NCOA6: variants seen among roughly 807,000 people sequenced by gnomAD.
NCOA6 encodes nuclear receptor coactivator 6, also known as NRC RAP250.
NCOA6 carries 49 observed loss-of-function variants against 171.4 expected under a neutral mutation model. The observed-to-expected ratio is 0.29, with a 90% CI of 0.23 to 0.36. NCOA6 has a LOEUF of 0.36. NCOA6 is among the 10% of genes least tolerant of loss of function. The pLI is 1.00. For synonymous variants in NCOA6, 910 were observed against 927.5 expected (o/e 0.98, Z 0.34); for missense variants, 2,248 against 2,554.5 (o/e 0.88, Z 2.59).
At chr20:34,813,537 G>C (rs1045327994) in intron 1 of NCOA6, among the ~76,000 whole-genome samples, 1 of 151,826 alleles carries the variant, frequency 6.6e-6, no homozygotes, top group Non-Finnish European at 1.5e-5. Context: ...ATAATATTAA[G>C]AAATTACTGT....
intron 7 of NCOA6, 107 bp from the exon 8 acceptor site, chr20:34,754,975 GCT>G: frequency 1.8e-6 from 2 of 1,131,034 alleles, no homozygotes; most frequent in Non-Finnish European, 2.5e-6. Context: ...CACTGGCTTA[GCT>G]CTCTCTGTCA....
Position 34,742,016 on chromosome 20 carries a change from C to T in NCOA6, c.4240G>A (p.Asp1414Asn), listed in dbSNP as rs1436302508. Residue 1414 changes from aspartate (D) to asparagine (N), a missense_variant, in exon 11 of 15, where the codon GAT (aspartate) becomes AAT (asparagine). Physicochemically the swap from Asp to Asn is conservative, Grantham distance 23. Transcript: ENST00000359003. ...GGCACATTCAAGCTCTCCTTGTTAT[C>T]CTCAACAACACCCCCAACTGCAGCC... ...SVAAVGGVVEDNKESLNVPQD... is the reference protein window; with the variant it reads ...SVAAVGGVVENNKESLNVPQD... 6.2e-7 allele frequency: 1 copy of T among 1,614,174 alleles called. No individual in the cohort carries two copies. The highest frequency in any genetic ancestry group is 8.5e-7 in the Non-Finnish European group (1 of 1,180,042).
At position 34,749,996 on chromosome 20, in the gene NCOA6, C is replaced by G. The variant is rs767719395; in HGVS notation, c.2199G>C (p.Gln733His). The G allele has an allele frequency of 9.9e-6, 16 of 1,614,140 alleles. No individual in the cohort carries two copies. The highest frequency in any genetic ancestry group is 1.4e-5 in the Non-Finnish European group (16 of 1,180,062). Reference protein sequence around the residue: ...GNKQQFNTQNQSNVMPGPAQI... With the variant: ...GNKQQFNTQNHSNVMPGPAQI... ...GGGCTGGTCCCGGCATGACATTGGA[C>G]TGGTTCTGAGTGTTAAACTGCTGCT... is the stretch of plus-strand genomic sequence containing the variant. The change falls in exon 9 of 15, where the codon CAG (glutamine) becomes CAC (histidine). Residue 733 changes from glutamine (Q) to histidine (H), a missense_variant. By Grantham distance (24) the Gln-to-His change is conservative (BLOSUM62 0). Around this residue, in one of 7 missense-constraint regions of NCOA6, gnomAD observed 987 missense variants for 1,104.7 expected, o/e 0.89. Coordinates refer to ENST00000359003, the MANE Select transcript of NCOA6 (RefSeq NM_014071.5).
At chr20:34,788,078 G>A in intron 2 of NCOA6, among the ~76,000 whole-genome samples, 2 of 152,100 alleles carry the variant, frequency 1.3e-5, no homozygotes, top group Non-Finnish European at 2.9e-5. Context: ...TGTTGCCCAG[G>A]CTGGTCTCGA....
chr20:34,786,747 G>A lies in NCOA6; in HGVS notation c.-49-4343C>T, dbSNP rs140090355. Among the ~76,000 whole-genome samples the A allele has an allele frequency of 5.0e-4, 76 of 152,194 alleles. No individual in the cohort carries two copies. In the East Asian group the frequency reaches 0.013, roughly 27 times the overall value. ...AATAGGATTCCCTATTTAATAAATG[G>A]TGCTGAAAGAACTGGCTAGCCATAT... On this transcript the variant is annotated intron_variant, in intron 2 of 14. Coordinates refer to ENST00000359003, the MANE Select transcript of NCOA6 (RefSeq NM_014071.5).
intron 1 of NCOA6, among the ~76,000 whole-genome samples, chr20:34,797,772 C>T (rs1255049671): frequency 6.6e-6 from 1 of 152,028 alleles, no homozygotes; most frequent in Non-Finnish European, 1.5e-5. Context: ...CCTGTAGTCC[C>T]AGCCACTCGG....
Position 34,782,334 on chromosome 20 carries a change from T to A in NCOA6, c.22A>T (p.Asn8Tyr). Residue 8 changes from asparagine to tyrosine, a missense_variant, in exon 3 of 15, where the codon AAC (asparagine) becomes TAC (tyrosine). Physicochemically the swap from Asn to Tyr is moderately radical, Grantham distance 143. Transcript: ENST00000359003. Reference sequence around the variant, plus strand: ...AAGGAAGTATAGATGTCTTCTAAGTTTGGAAGGTCATCCAAAACCATGGTG... The same window carrying A: ...AAGGAAGTATAGATGTCTTCTAAGTATGGAAGGTCATCCAAAACCATGGTG... The part of the protein sequence containing the change: MVLDDLP[N>Y]LEDIYTSLCS... The A allele has an allele frequency of 1.2e-6, 2 of 1,603,272 alleles. No individual in the cohort carries two copies. Among genetic ancestry groups the A allele is most frequent in the African/African-American group, 2.7e-5 (2 of 74,802 alleles).
intron 12 of NCOA6, among the ~76,000 whole-genome samples, chr20:34,734,476 GC>G (rs1207633048): frequency 6.6e-6 from 1 of 152,106 alleles, no homozygotes; most frequent in Non-Finnish European, 1.5e-5. Flanking sequence ...TCCTACCTCA[GC>G]CTCCCAAGTA....
intron 3 of NCOA6, 57 bp downstream of exon 3, chr20:34,782,064 G>C: frequency 2.4e-6 from 3 of 1,234,744 alleles, no homozygotes; most frequent in Non-Finnish European, 3.4e-6. Context: ...GATAACCATG[G>C]AAGGGCAAAC....
intron 1 of NCOA6, among the ~76,000 whole-genome samples, chr20:34,813,990 G>C (rs2078752997): frequency 6.6e-6 from 1 of 152,014 alleles, no homozygotes; most frequent in African/African-American, 2.4e-5. Context: ...GAAAAAAACT[G>C]GAAGAAAAAA....
intron 14 of NCOA6, among the ~76,000 whole-genome samples, chr20:34,722,287 A>G (rs1387667395): frequency 6.6e-6 from 1 of 151,930 alleles, no homozygotes; most frequent in Non-Finnish European, 1.5e-5. Context: ...AGGCTGAGGC[A>G]CAAGAATTGC....
intron 8 of NCOA6, among the ~76,000 whole-genome samples, chr20:34,751,186 A>C (rs1033747137): frequency 6.7e-6 from 1 of 150,148 alleles, no homozygotes; most frequent in Non-Finnish European, 1.5e-5. Flanking sequence ...CTGGCTAACA[A>C]GGTGAAACCC....
chr20:34,749,685 T>G lies in NCOA6; in HGVS notation c.2510A>C (p.Gln837Pro). ...GTGGTTTCCCGAGGCACTGTTTCCC[T>G]GCATGGCCTGCACATGAGGGGGGAC... ...NMVPPHVQAM[Q>P]GNSASGNHFS... Residue 837 changes from glutamine (Q) to proline (P), a missense_variant, in exon 9 of 15, where the codon CAG (glutamine) becomes CCG (proline). Physicochemically the swap from Gln to Pro is moderately conservative, Grantham distance 76 (BLOSUM62 -1). Coordinates refer to ENST00000359003, the MANE Select transcript of NCOA6 (RefSeq NM_014071.5). 1 of 1,614,152 alleles carries G rather than the reference T, an allele frequency of 6.2e-7. No homozygotes were observed. Among genetic ancestry groups the G allele is most frequent in the Admixed American group, 1.7e-5 (1 of 60,030 alleles).
chr20:34,788,153 A>G (rs534722025), intron 2 of NCOA6, among the ~76,000 whole-genome samples: 10 of 148,604 alleles, frequency 6.7e-5, no homozygotes, highest in African/African-American at 2.3e-4. Context: ...AGTTATATTT[A>G]TATCTACTTT....
chr20:34,747,018 T>C, intron 9 of NCOA6, 90 bp from the exon 10 acceptor site: 11 of 1,258,388 alleles, frequency 8.7e-6, no homozygotes, highest in African/African-American at 1.5e-5. Context: ...CCCCTATTTC[T>C]GAAGAACTAA....
rs2076162901 is a variant in NCOA6, at chr20:34,742,100, CA to C, written c.4155del (p.Val1386TyrfsTer11). On this transcript the variant is annotated frameshift_variant, in exon 11 of 15. Coordinates refer to ENST00000359003, the MANE Select transcript of NCOA6 (RefSeq NM_014071.5). LOFTEE classifies it high-confidence loss of function. ...CTGTTGTTAGGAAAGCTCCCAGGTA[CA>C]GGGGGATTGGCCAGAGGAGTGGGAC... is the stretch of plus-strand genomic sequence containing the variant. ...LVSPTPLANP[P>X]VPGSFPNNSG... 6.2e-7 allele frequency: 1 copy of C among 1,614,036 alleles called. No homozygotes were observed.
At chr20:34,747,059 C>T in intron 9 of NCOA6, 131 bp from the exon 10 acceptor site, 1 of 911,918 alleles carries the variant, frequency 1.1e-6, no homozygotes, top group Non-Finnish European at 1.5e-6. Context: ...TCATCTCTCT[C>T]TAGTCTAGAT....
intron 14 of NCOA6, among the ~76,000 whole-genome samples, chr20:34,721,252 A>AC (rs1989291345): frequency 6.7e-6 from 1 of 149,592 alleles, no homozygotes; most frequent in African/African-American, 2.5e-5. Flanking sequence ...AAAAAAAAAA[A>AC]AAAAAAAAAA....
chr20:34,738,434 G>C (rs931559011), intron 11 of NCOA6, among the ~76,000 whole-genome samples: 6 of 152,152 alleles, frequency 3.9e-5, no homozygotes, highest in African/African-American at 1.4e-4. Context: ...TCTCCTGAAA[G>C]AAGGAGAAAT....
Sources: allele counts gnomAD v4.1 joint callset (sites outside exome capture counted in the v4.1 genomes callset), GRCh38; gene constraint gnomAD v4.1.1; regional missense constraint gnomAD v4.1.1; transcripts MANE v1.5; gene names NCBI Gene and HGNC (gene_info 2026-07-23, HGNC 2026-07-21).